Variants in TMPRSS9 observed in about 807,000 individuals in gnomAD.
TMPRSS9 encodes the protein transmembrane serine protease 9, also known as transmembrane protease serine 9.
Under a neutral mutation model 111.4 loss-of-function variants are expected in TMPRSS9, and 113 were observed. That is an observed-to-expected ratio of 1.01 (90% CI 0.87 to 1.19). The LOEUF is 1.19. TMPRSS9 is among the 50% of genes most tolerant of loss of function. The pLI is 0.00. For synonymous variants in TMPRSS9, 805 were observed against 659.1 expected, an observed-to-expected ratio of 1.22 and a Z score of -3.39; for missense variants, 1,803 against 1,513.1, an observed-to-expected ratio of 1.19 and a Z score of -3.18.
intron 1 of TMPRSS9, among the ~76,000 whole-genome samples, chr19:2,379,208 C>CA (rs1970361612): frequency 9.8e-6 from 1 of 102,324 alleles, no homozygotes. Flanking sequence ...TTTTTTGAGA[C>CA]AGAGTCTTGC....
At chr19:2,416,703 C>T (rs1466039155) in exon 12 of TMPRSS9, 2 of 1,613,198 alleles carry the variant, frequency 1.2e-6, no homozygotes, top group Admixed American at 1.7e-5. Flanking sequence ...GCCCCCTGGC[C>T]TTCAACAAAT....
At chr19:2,396,372 G>A (rs1327404392) in intron 1 of TMPRSS9, 167 bp from the exon 3 acceptor site, 9 of 737,284 alleles carry the variant, frequency 1.2e-5, no homozygotes, top group Non-Finnish European at 1.8e-5. Flanking sequence ...GGAGAGCCCT[G>A]TGAGTAGCTA....
chr19:2,414,227 A>C, intron 10 of TMPRSS9: 1 of 530,120 alleles, frequency 1.9e-6, no homozygotes, highest in Non-Finnish European at 3.2e-6. Flanking sequence ...AACTATGGCG[A>C]TCTATCAATG....
At chr19:2,421,329 C>T (rs924522597) in intron 13 of TMPRSS9, among the ~76,000 whole-genome samples, 7 of 151,320 alleles carry the variant, frequency 4.6e-5, no homozygotes, top group African/African-American at 1.7e-4. Context: ...TGTTCCGTTG[C>T]CCAGGCTGGA....
chr19:2,415,009 G>T (rs921789153), intron 10 of TMPRSS9, among the ~76,000 whole-genome samples: 1 of 137,576 alleles, frequency 7.3e-6, no homozygotes, highest in Admixed American at 7.3e-5. Flanking sequence ...GCAGTGGTGT[G>T]ATCTCGGCTC....
intron 14 of TMPRSS9, among the ~76,000 whole-genome samples, chr19:2,423,751 G>A (rs560516047): frequency 1.3e-5 from 2 of 152,232 alleles, no homozygotes; most frequent in East Asian, 1.9e-4. Context: ...CCTCTGGGGC[G>A]GGGCCCTGGT....
chr19:2,399,748 C>T (rs1970790183), intron 4 of TMPRSS9, among the ~76,000 whole-genome samples: 1 of 152,010 alleles, frequency 6.6e-6, no homozygotes, highest in Non-Finnish European at 1.5e-5. Flanking sequence ...GACAGGATCT[C>T]ACTCTGTTGC....
chr19:2,365,874 G>A (rs937011193), intron 1 of TMPRSS9, among the ~76,000 whole-genome samples: 2 of 152,136 alleles, frequency 1.3e-5, no homozygotes, highest in Admixed American at 6.6e-5. Context: ...TGAGGTGGGA[G>A]GATTGCTTCA....
At chr19:2,419,438 G>A (rs189070989) in intron 13 of TMPRSS9, among the ~76,000 whole-genome samples, 102 of 150,692 alleles carry the variant, frequency 6.8e-4, no homozygotes, top group African/African-American at 2.4e-3. Context: ...TCCTGATGTC[G>A]TGATCTGCCC....
intron 4 of TMPRSS9, among the ~76,000 whole-genome samples, chr19:2,401,234 A>G (rs998950431): frequency 3.3e-5 from 5 of 152,120 alleles, no homozygotes; most frequent in Admixed American, 2.0e-4. Context: ...AGATCGCGCC[A>G]CTGCTCTCCA....
At chr19:2,402,094 A>G in intron 5 of TMPRSS9, 78 bp downstream of exon 6, 3 of 1,468,216 alleles carry the variant, frequency 2.0e-6, no homozygotes, top group South Asian at 1.2e-5. Context: ...AAGGAAGTGA[A>G]GGAATCCCTG....
intron 4 of TMPRSS9, among the ~76,000 whole-genome samples, chr19:2,400,282 C>T (rs1419235377): frequency 5.3e-5 from 8 of 152,260 alleles, no homozygotes; most frequent in Admixed American, 5.2e-4. Context: ...TGGCTTATGC[C>T]TGTAATTCCA....
intron 12 of TMPRSS9, among the ~76,000 whole-genome samples, chr19:2,417,614 C>T (rs1024313596): frequency 2.0e-5 from 3 of 152,174 alleles, no homozygotes; most frequent in African/African-American, 7.2e-5. Context: ...TGCCACTGCA[C>T]TCCAGCCTGG....
At chr19:2,383,508 T>A (rs1488859043) in intron 1 of TMPRSS9, among the ~76,000 whole-genome samples, 2 of 150,984 alleles carry the variant, frequency 1.3e-5, no homozygotes, top group Non-Finnish European at 2.9e-5. Flanking sequence ...TTACGATTTT[T>A]AAAATTTTCT....
intron 1 of TMPRSS9, among the ~76,000 whole-genome samples, chr19:2,395,967 C>T (rs1970698176): frequency 6.6e-6 from 1 of 152,180 alleles, no homozygotes; most frequent in Non-Finnish European, 1.5e-5. Context: ...GAGATTGCGC[C>T]ACCGCACTCC....
intron 1 of TMPRSS9, among the ~76,000 whole-genome samples, chr19:2,395,869 G>T (rs1024102158): frequency 1.3e-5 from 2 of 152,074 alleles, no homozygotes; most frequent in Admixed American, 1.3e-4. Context: ...TTAGCCACGC[G>T]TGGTCGTGGG....
intron 1 of TMPRSS9, among the ~76,000 whole-genome samples, chr19:2,364,655 G>C (rs975723792): frequency 2.6e-5 from 4 of 152,060 alleles, no homozygotes; most frequent in African/African-American, 2.4e-5. Context: ...CTTCCACCCA[G>C]TGTCCCCTTG....
chr19:2,365,163 G>A (rs1970238933), intron 1 of TMPRSS9, among the ~76,000 whole-genome samples: 1 of 151,916 alleles, frequency 6.6e-6, no homozygotes, highest in South Asian at 2.1e-4. Flanking sequence ...TTTTCCTCTG[G>A]GTCCCTTAGT....
In TMPRSS9 at chr19:2,416,525, C is replaced by T. The variant is rs1325514014; in HGVS notation, c.1746-13C>T. ...CTGGAGGGCAGGCATGTCTGAGGGC[C>T]CTGTCTCCATAGCACGAAGGTGGAG... On this transcript the variant is annotated splice_polypyrimidine_tract_variant and intron_variant, in intron 11 of 17. Transcript: ENST00000648592. 3 of 1,597,972 alleles carry T rather than the reference C, an allele frequency of 1.9e-6. No homozygotes were observed. The highest frequency in any genetic ancestry group is 2.6e-6 in the Non-Finnish European group (3 of 1,173,022).
Sources: allele counts gnomAD v4.1 joint callset (sites outside exome capture counted in the v4.1 genomes callset), GRCh38; gene constraint gnomAD v4.1.1; transcripts MANE v1.5; gene names NCBI Gene and HGNC (gene_info 2026-07-23, HGNC 2026-07-21).